The following MALRD1 variants were observed in gnomAD, a reference collection of about 807,000 sequenced individuals.
The protein encoded by MALRD1 is MAM and LDL receptor class A domain containing 1, also known as MAM and LDL-receptor class A domain-containing protein 1.
MALRD1 carries 247 observed loss-of-function variants against 242.1 expected under a neutral mutation model. The observed-to-expected ratio is 1.02, with a 90% CI of 0.92 to 1.13. The LOEUF is 1.13. Among genes scored for constraint, MALRD1 ranks in the 50% most tolerant of loss-of-function variants. The pLI, the probability that MALRD1 is intolerant of heterozygous loss-of-function variation, is 0.00. For synonymous variants in MALRD1, 995 were observed against 866.6 expected, an observed-to-expected ratio of 1.15 and a Z score of -2.60; for missense variants, 2,989 against 2,533.1, an observed-to-expected ratio of 1.18 and a Z score of -3.86.
rs1455628532 is a variant in MALRD1, at chr10:19,146,353, T to C, written c.1558+9T>C. 6 of 1,229,540 alleles carry C rather than the reference T, an allele frequency of 4.9e-6. No individual in the cohort carries two copies. The highest frequency in any genetic ancestry group is 6.1e-6 in the Non-Finnish European group (6 of 986,496). The allele number at this position is 1,229,540 out of a possible 1,614,324, so 76.2% of individuals were successfully genotyped here. On this transcript the variant is annotated intron_variant, in intron 11 of 39. Coordinates refer to ENST00000454679, the MANE Select transcript of MALRD1 (RefSeq NM_001142308.3). Reference sequence around the variant, plus strand: ...AGCAAACATAAATCATGGTAGGACATTTTCCTCTTTAAAAAAAAATAGTTT... The same window carrying C: ...AGCAAACATAAATCATGGTAGGACACTTTCCTCTTTAAAAAAAAATAGTTT...
At chr10:19,665,937 G>A (rs1271537101) in intron 36 of MALRD1, among the ~76,000 whole-genome samples, 1 of 151,728 alleles carries the variant, frequency 6.6e-6, no homozygotes, top group Non-Finnish European at 1.5e-5. Flanking sequence ...TGTCCCTGGA[G>A]GACAGTGCTT....
chr10:19,221,967 A>G (rs1837573095), intron 18 of MALRD1, among the ~76,000 whole-genome samples: 1 of 152,192 alleles, frequency 6.6e-6, no homozygotes, highest in Non-Finnish European at 1.5e-5. Context: ...ACTAATTTGC[A>G]AGAATGGGTA....
At chr10:19,421,339 A>G (rs776282184) in intron 28 of MALRD1, among the ~76,000 whole-genome samples, 1 of 152,200 alleles carries the variant, frequency 6.6e-6, no homozygotes, top group South Asian at 2.1e-4. Flanking sequence ...GATTCTAAGC[A>G]CTGACATTCC....
intron 12 of MALRD1, among the ~76,000 whole-genome samples, chr10:19,163,137 TAAAAAAAAAA>T (rs58034381): frequency 3.0e-4 from 13 of 43,834 alleles, no homozygotes; most frequent in African/African-American, 7.4e-4. Flanking sequence ...AAACCCTGTC[TAAAAAAAAAA>T]AAAAAAAAAA....
At chr10:19,707,404 A>T (rs1483942999) in intron 38 of MALRD1, among the ~76,000 whole-genome samples, 3 of 152,210 alleles carry the variant, frequency 2.0e-5, no homozygotes, top group Non-Finnish European at 4.4e-5. Context: ...GGTTCCTGCT[A>T]GGGCCCTAAC....
At chr10:19,095,151 G>A (rs1835978136) in intron 4 of MALRD1, among the ~76,000 whole-genome samples, 1 of 152,040 alleles carries the variant, frequency 6.6e-6, no homozygotes, top group East Asian at 1.9e-4. Flanking sequence ...AGATTAAATT[G>A]GATTCAATTT....
rs77580025 is a variant in MALRD1, at chr10:19,615,834, G to C, written c.6071-23G>C. On this transcript the variant is annotated intron_variant, in intron 35 of 39. Transcript: ENST00000454679. The stretch of plus-strand genomic sequence containing the variant: ...CTAATACTATTTATAATTAACTGGT[G>C]TCTTTGTGATGCTTCTTTTTAGAAT... The C allele has an allele frequency of 6.1e-4, 913 of 1,501,440 alleles. 4 individuals carry two copies. The African/African-American group carries it at 0.012, about 19-fold the overall frequency. The allele number at this position is 1,501,440 out of a possible 1,614,324, so 93.0% of individuals were successfully genotyped here.
At chr10:19,592,970 G>A (rs1455379940) in intron 33 of MALRD1, among the ~76,000 whole-genome samples, 3 of 149,264 alleles carry the variant, frequency 2.0e-5, no homozygotes, top group Admixed American at 1.3e-4. Context: ...CCTTTGGTGA[G>A]CTCATAAAGA....
intron 33 of MALRD1, among the ~76,000 whole-genome samples, chr10:19,592,321 C>T (rs376019730): frequency 1.8e-4 from 27 of 152,342 alleles, no homozygotes; most frequent in African/African-American, 5.8e-4. Flanking sequence ...GCCGATACCA[C>T]GGGGAGCTCT....
At chr10:19,726,844 C>T (rs1319497980) in intron 38 of MALRD1, among the ~76,000 whole-genome samples, 1 of 152,114 alleles carries the variant, frequency 6.6e-6, no homozygotes, top group Non-Finnish European at 1.5e-5. Context: ...ATAAGCCAAA[C>T]ACAAAAGGAC....
chr10:19,563,662 A>G (rs1589243962), intron 32 of MALRD1, among the ~76,000 whole-genome samples: 1 of 152,364 alleles, frequency 6.6e-6, no homozygotes, highest in East Asian at 1.9e-4. Flanking sequence ...TGCAGGCACC[A>G]GGAGTGTTTG....
intron 14 of MALRD1, among the ~76,000 whole-genome samples, chr10:19,200,368 C>T (rs16918337): frequency 0.14 from 21,286 of 152,202 alleles, 1,574 homozygotes; most frequent in Middle Eastern, 0.2. Context: ...ACATGTGCAT[C>T]TTGCCTCTGT....
intron 36 of MALRD1, among the ~76,000 whole-genome samples, chr10:19,632,725 A>G (rs1839961977): frequency 6.6e-6 from 1 of 152,134 alleles, no homozygotes; most frequent in African/African-American, 2.4e-5. Context: ...GACAGGGCAG[A>G]AAAACAAAAA....
rs1425181328 is a variant in MALRD1 at position 19,190,272 on chromosome 10, A to G, written c.1952-13456A>G. On this transcript the variant is annotated intron_variant, in intron 14 of 39. Transcript: ENST00000454679. ...ATGGTGAAAGACTTGTACAATAAAA[A>G]ATAAAAAACATTTCTGAAATAAATT... Among the ~76,000 whole-genome samples the G allele has an allele frequency of 1.3e-5, 2 of 152,022 alleles. 1 individual carries two copies. The highest frequency in any genetic ancestry group is 3.8e-4 in the East Asian group (2 of 5,196).
intron 24 of MALRD1, among the ~76,000 whole-genome samples, chr10:19,335,856 C>T (rs1843585236): frequency 6.6e-6 from 1 of 152,022 alleles, no homozygotes. Flanking sequence ...GCAGAACATG[C>T]AGATTTGTTA....
chr10:19,296,130 A>T (rs573672296), intron 21 of MALRD1, among the ~76,000 whole-genome samples: 1 of 152,146 alleles, frequency 6.6e-6, no homozygotes, highest in East Asian at 1.9e-4. Flanking sequence ...CTTGGGAAAC[A>T]GCCATCTATA....
At chr10:19,275,235 T>A (rs976237407) in intron 19 of MALRD1, among the ~76,000 whole-genome samples, 22 of 152,206 alleles carry the variant, frequency 1.4e-4, no homozygotes, top group African/African-American at 5.3e-4. Context: ...ATTAAAGTCA[T>A]TTTTTTAAAG....
intron 31 of MALRD1, among the ~76,000 whole-genome samples, chr10:19,516,208 C>T (rs1833620151): frequency 6.6e-6 from 1 of 152,090 alleles, no homozygotes; most frequent in South Asian, 2.1e-4. Context: ...CAAAGACTAT[C>T]CCAGATCATG....
chr10:19,620,532 A>G (rs535535865), intron 36 of MALRD1, among the ~76,000 whole-genome samples: 2 of 152,186 alleles, frequency 1.3e-5, no homozygotes, highest in East Asian at 3.9e-4. Flanking sequence ...TAACCTGGAA[A>G]TTGTATCTTT....
Sources: gnomAD v4.1 joint callset for allele counts (sites outside exome capture counted in the v4.1 genomes callset) on GRCh38, gnomAD v4.1.1 for gene constraint, MANE v1.5 for transcripts, NCBI Gene and HGNC (gene_info 2026-07-23, HGNC 2026-07-21) for gene names.